ALG14: variants seen among roughly 807,000 people sequenced by gnomAD.
ALG14 encodes the protein UDP-N-acetylglucosamine transferase subunit ALG14.
In ALG14, 17 loss-of-function variants were observed where a neutral mutation model predicts 22.8. That is an observed-to-expected ratio of 0.75 (90% CI 0.51 to 1.12). The LOEUF (loss-of-function observed/expected upper bound fraction) is 1.12, where lower values mean the gene tolerates loss of function less well. ALG14 is among the 50% of genes most tolerant of loss of function. The probability of loss-of-function intolerance (pLI) is 0.00; values close to 1 mark genes in which losing one functional copy is unlikely to be tolerated. For synonymous variants in ALG14, 89 were observed against 103.7 expected (o/e 0.86, Z 0.86); for missense variants, 288 against 271.8 (o/e 1.06, Z -0.42).
chr1:95,028,255 C>T (rs138526110), intron 2 of ALG14, among the ~76,000 whole-genome samples: 41 of 152,172 alleles, frequency 2.7e-4, no homozygotes, highest in Admixed American at 3.3e-4. Context: ...CTCAGGTGAT[C>T]CTCCCACCTT....
At chr1:95,019,391 T>C (rs894864782) in intron 3 of ALG14, among the ~76,000 whole-genome samples, 5 of 152,220 alleles carry the variant, frequency 3.3e-5, no homozygotes, top group Admixed American at 6.5e-5. Context: ...CTGTTTCTGA[T>C]TGGATCTTTT....
At chr1:95,058,080 G>A (rs1489352526) in intron 2 of ALG14, among the ~76,000 whole-genome samples, 2 of 151,352 alleles carry the variant, frequency 1.3e-5, no homozygotes, top group Non-Finnish European at 2.9e-5. Context: ...GAGGTCAGGA[G>A]ATCGAGACCA....
intron 2 of ALG14, 143 bp from the exon 3 acceptor site, chr1:95,027,403 G>A: frequency 1.0e-6 from 1 of 994,066 alleles, no homozygotes; most frequent in East Asian, 2.7e-5. Context: ...GAGTTGTAAT[G>A]CCTATCTCAT....
intron 1 of ALG14, 92 bp from the exon 2 acceptor site, chr1:95,065,109 G>T: frequency 8.9e-7 from 1 of 1,121,126 alleles, no homozygotes; most frequent in African/African-American, 1.6e-5. Flanking sequence ...TTTCAGGTTG[G>T]GGGTGGGGGG....
In ALG14 at chr1:94,978,767, A is replaced by G. The variant is rs911437007; in HGVS notation, c.*4309T>C. The G allele has an allele frequency of 4.0e-5, 6 of 151,132 alleles. No individual in the cohort carries two copies. Among genetic ancestry groups the G allele is most frequent in the Non-Finnish European group, 5.9e-5 (4 of 67,844 alleles). The allele number at this position is 151,132 out of a possible 1,614,324, so 9.4% of individuals were successfully genotyped here. On this transcript the variant is annotated 3_prime_UTR_variant, in exon 4 of 4. Coordinates refer to ENST00000370205, the MANE Select transcript of ALG14 (RefSeq NM_144988.4). The stretch of plus-strand genomic sequence containing the variant: ...CTTTCCTGATTTCCCTATCTAGAAC[A>G]CCAACTACCTTCTACTCCGTCATAG...
At chr1:95,054,050 A>G (rs1479885003) in intron 2 of ALG14, among the ~76,000 whole-genome samples, 1 of 152,214 alleles carries the variant, frequency 6.6e-6, no homozygotes, top group Admixed American at 6.5e-5. Context: ...CAAAAAAATG[A>G]ATATTAAAAT....
At position 94,981,450 on chromosome 1, in the gene ALG14, T is replaced by C. The variant is rs1047930548; in HGVS notation, c.*1626A>G. On this transcript the variant is annotated 3_prime_UTR_variant, in exon 4 of 4. Coordinates refer to ENST00000370205, the MANE Select transcript of ALG14 (RefSeq NM_144988.4). ...ATTCAGAGAAGACAGTTTTTTTGTT[T>C]TTTTTGCTTTTTTTTTTTAAAAAAA... The C allele has an allele frequency of 7.5e-6, 1 of 132,894 alleles. No individual in the cohort carries two copies. Among genetic ancestry groups the C allele is most frequent in the African/African-American group, 2.9e-5 (1 of 34,506 alleles). The allele number at this position is 132,894 out of a possible 1,614,324, so 8.2% of individuals were successfully genotyped here. A position where few individuals can be genotyped will look rare whatever the true frequency, so the allele number is the denominator to read the frequency against.
At chr1:95,053,473 C>G (rs372807618) in intron 2 of ALG14, among the ~76,000 whole-genome samples, 2 of 152,150 alleles carry the variant, frequency 1.3e-5, no homozygotes, top group East Asian at 3.9e-4. Flanking sequence ...AAAATATGTA[C>G]AGAAAGCTAA....
chr1:95,018,764 C>T (rs945531857), intron 3 of ALG14, among the ~76,000 whole-genome samples: 2 of 152,062 alleles, frequency 1.3e-5, no homozygotes, highest in Admixed American at 1.3e-4. Context: ...TTTTCTCTCC[C>T]TGTGTGACTT....
At chr1:95,022,905 G>T (rs1192181967) in intron 3 of ALG14, among the ~76,000 whole-genome samples, 2 of 152,142 alleles carry the variant, frequency 1.3e-5, no homozygotes, top group Admixed American at 1.3e-4. Context: ...CAGTTAAGGA[G>T]AAAAAGTTCC....
At chr1:95,050,932 C>T (rs1163403783) in intron 2 of ALG14, among the ~76,000 whole-genome samples, 3 of 143,856 alleles carry the variant, frequency 2.1e-5, no homozygotes, top group Admixed American at 7.2e-5. Context: ...GTGGTGTGAT[C>T]TCCACTTCCT....
chr1:95,002,362 G>A (rs904768796), intron 3 of ALG14, among the ~76,000 whole-genome samples: 5 of 152,064 alleles, frequency 3.3e-5, no homozygotes, highest in African/African-American at 1.2e-4. Flanking sequence ...AGCACAAGAG[G>A]GGTGGGGCAA....
intron 1 of ALG14, among the ~76,000 whole-genome samples, chr1:95,069,004 C>T (rs1675470909): frequency 6.6e-6 from 1 of 152,188 alleles, no homozygotes; most frequent in Non-Finnish European, 1.5e-5. Context: ...TTGCTTTTCT[C>T]CAGCCCCACA....
rs117910560 is a variant in ALG14, at chr1:94,979,364, C to T, written c.*3712G>A. On this transcript the variant is annotated 3_prime_UTR_variant, in exon 4 of 4. Transcript: ENST00000370205. ...ACAGAACTAGCATGAGGGGAAGTCT[C>T]TGAAGACAAACATAAGTAATTAACA... 8.7e-5 allele frequency: 13 copies of T among 149,448 alleles called. No individual in the cohort carries two copies. In the East Asian group the frequency reaches 2.0e-3, roughly 23 times the overall value. The allele number at this position is 149,448 out of a possible 1,614,324, so 9.3% of individuals were successfully genotyped here. A position where few individuals can be genotyped will look rare whatever the true frequency, so the allele number is the denominator to read the frequency against.
chr1:95,039,879 G>A (rs1441903484), intron 2 of ALG14, among the ~76,000 whole-genome samples: 2 of 152,054 alleles, frequency 1.3e-5, no homozygotes, highest in Non-Finnish European at 2.9e-5. Flanking sequence ...TGAAAGCCAG[G>A]TGTGAGATCT....
intron 3 of ALG14, among the ~76,000 whole-genome samples, chr1:94,998,386 A>C (rs1172403822): frequency 6.6e-6 from 1 of 152,200 alleles, no homozygotes; most frequent in Non-Finnish European, 1.5e-5. Flanking sequence ...CTGAAAACAA[A>C]ACCAGGCTCC....
At chr1:95,069,451 C>T (rs977814923) in intron 1 of ALG14, among the ~76,000 whole-genome samples, 9 of 152,138 alleles carry the variant, frequency 5.9e-5, no homozygotes, top group Admixed American at 3.3e-4. Context: ...AAAAGCTAAG[C>T]CCTGGAAACT....
intron 3 of ALG14, among the ~76,000 whole-genome samples, chr1:94,997,975 T>G (rs1672952039): frequency 6.6e-6 from 1 of 152,220 alleles, no homozygotes; most frequent in East Asian, 1.9e-4. Flanking sequence ...CATCTCCTGT[T>G]GGGGCAACAG....
chr1:95,017,082 C>T (rs754413069), intron 3 of ALG14, among the ~76,000 whole-genome samples: 139 of 151,794 alleles, frequency 9.2e-4, no homozygotes, highest in Non-Finnish European at 1.8e-3. Context: ...TGTCTGCTAT[C>T]GCCCAAGGAT....
Sources: gnomAD v4.1 joint callset for allele counts (sites outside exome capture counted in the v4.1 genomes callset) on GRCh38, gnomAD v4.1.1 for gene constraint, MANE v1.5 for transcripts, NCBI Gene and HGNC (gene_info 2026-07-23, HGNC 2026-07-21) for gene names.